PLA2G5: variants seen among roughly 807,000 people sequenced by gnomAD.
PLA2G5 encodes phospholipase A2 group V, also known as Ca2+-dependent phospholipase A2.
Under a neutral mutation model 15.9 loss-of-function variants are expected in PLA2G5, and 12 were observed. The ratio of observed to expected loss-of-function variants is 0.76; its 90% CI spans 0.48 to 1.23. The LOEUF (loss-of-function observed/expected upper bound fraction) is 1.23. Among genes scored for constraint, PLA2G5 ranks in the 50% most tolerant of loss-of-function variants. PLA2G5 has a pLI of 0.00. For synonymous variants in PLA2G5, 71 were observed against 71.4 expected (o/e 0.99, Z 0.03); for missense variants, 169 against 177.1 (o/e 0.95, Z 0.26).
upstream of PLA2G5, among the ~76,000 whole-genome samples, chr1:20,069,220 C>T (rs1227265634): frequency 2.0e-5 from 3 of 152,120 alleles, no homozygotes; most frequent in Admixed American, 6.5e-5. Context: ...TGACTGGTAA[C>T]GTTGAAAATG....
intron 1 of PLA2G5, among the ~76,000 whole-genome samples, chr1:20,071,318 G>A (rs1452744391): frequency 2.0e-5 from 3 of 152,146 alleles, no homozygotes; most frequent in African/African-American, 7.2e-5. Flanking sequence ...TCCAATCTGT[G>A]CCATGCAGAG....
chr1:20,063,823 C>T (rs568762640), intron 2 of PLA2G5, among the ~76,000 whole-genome samples: 3 of 152,280 alleles, frequency 2.0e-5, no homozygotes, highest in East Asian at 3.9e-4. Context: ...AGGCTTTGCC[C>T]GGTGCCCTAG....
At chr1:20,087,224 G>A (rs1342152946) in intron 3 of PLA2G5, among the ~76,000 whole-genome samples, 1 of 152,174 alleles carries the variant, frequency 6.6e-6, no homozygotes, top group Non-Finnish European at 1.5e-5. Flanking sequence ...TCCTCTGTAA[G>A]ATCTTCTCAG....
At chr1:20,074,921 C>T (rs1473359864) in intron 1 of PLA2G5, among the ~76,000 whole-genome samples, 1 of 152,216 alleles carries the variant, frequency 6.6e-6, no homozygotes, top group Non-Finnish European at 1.5e-5. Context: ...CCAATTCCCT[C>T]CCTTCTGTCT....
intron 1 of PLA2G5, among the ~76,000 whole-genome samples, chr1:20,055,839 C>T (rs868016465): frequency 1.5e-4 from 23 of 152,232 alleles, no homozygotes; most frequent in Middle Eastern, 3.4e-3. Flanking sequence ...CTGACCTATA[C>T]GTGTAGTAAG....
intron 1 of PLA2G5, among the ~76,000 whole-genome samples, chr1:20,081,912 C>T (rs182290045): frequency 4.0e-5 from 6 of 151,898 alleles, no homozygotes; most frequent in African/African-American, 7.3e-5. Flanking sequence ...ATTAGCCAGG[C>T]GTGGTGGCAG....
intron 1 of PLA2G5, among the ~76,000 whole-genome samples, chr1:20,054,575 T>G (rs913050982): frequency 3.3e-5 from 5 of 152,162 alleles, no homozygotes; most frequent in African/African-American, 1.2e-4. Context: ...AAAATATGTT[T>G]AATGTTTTCC....
At chr1:20,067,835 G>C (rs2015121639), upstream of PLA2G5, among the ~76,000 whole-genome samples, 1 of 151,128 alleles carries the variant, frequency 6.6e-6, no homozygotes, top group Non-Finnish European at 1.5e-5. Flanking sequence ...AATCAGAGGG[G>C]AGGCCGGGCG....
In PLA2G5 at chr1:20,070,373, G is replaced by A; in HGVS notation, c.-103G>A. On this transcript the variant is annotated 5_prime_UTR_variant, in exon 1 of 5. Coordinates refer to ENST00000375108, the MANE Select transcript of PLA2G5 (RefSeq NM_000929.3). ...ATACCAATGTTCCGACTGGAGACGG[G>A]GAGCCCGCGAGACCCGGGTCTCCAG... The A allele has an allele frequency of 1.0e-6, 1 of 985,466 alleles. No homozygotes were observed. The highest frequency in any genetic ancestry group is 1.2e-6 in the Non-Finnish European group (1 of 829,948). The allele number at this position is 985,466 out of a possible 1,614,324, so 61.0% of individuals were successfully genotyped here.
intron 2 of PLA2G5, among the ~76,000 whole-genome samples, chr1:20,064,075 G>A (rs1351532413): frequency 1.3e-5 from 2 of 152,104 alleles, no homozygotes; most frequent in Non-Finnish European, 2.9e-5. Context: ...TGGACCTTTC[G>A]CTGAGTTTCA....
chr1:20,083,172 G>A (rs1042506385), intron 1 of PLA2G5, among the ~76,000 whole-genome samples: 1 of 151,886 alleles, frequency 6.6e-6, no homozygotes, highest in African/African-American at 2.4e-5. Context: ...AGCCCTTGGA[G>A]CAGAGGCTAT....
At chr1:20,037,583 T>TGGCCAGGATGTTACA in intron 1 of PLA2G5, among the ~76,000 whole-genome samples, 1 of 152,222 alleles carries the variant, frequency 6.6e-6, no homozygotes, top group East Asian at 1.9e-4. Context: ...GACCTCTAGT[T>TGGCCAGGATGTTACA]GGCCAGGATG....
intron 1 of PLA2G5, among the ~76,000 whole-genome samples, chr1:20,031,758 G>T (rs915711983): frequency 2.0e-4 from 30 of 152,104 alleles, no homozygotes; most frequent in African/African-American, 6.5e-4. Context: ...TAGCTTTCCC[G>T]ATGTGGGAGT....
At chr1:20,055,925 C>T (rs1367153741) in intron 1 of PLA2G5, among the ~76,000 whole-genome samples, 1 of 152,116 alleles carries the variant, frequency 6.6e-6, no homozygotes, top group Non-Finnish European at 1.5e-5. Context: ...AGAGAAGGTT[C>T]TCTAGGAAGA....
Position 20,056,376 on chromosome 1 carries a change from A to G in PLA2G5, n.277-3256A>G, listed in dbSNP as rs564612243. ...TCCTAGGCTCAGTCTTTGGAACTCA[A>G]TGAAAGTTCCTTTTTATTCCTAGTT... On this transcript the variant is annotated intron_variant and non_coding_transcript_variant, in intron 1 of 6. Coordinates refer to the PLA2G5 transcript ENST00000460175. Among the ~76,000 whole-genome samples the G allele has an allele frequency of 9.1e-4, 139 of 152,160 alleles. 1 individual carries two copies. Among genetic ancestry groups the G allele is most frequent in the African/African-American group, 3.3e-3 (137 of 41,506 alleles).
chr1:20,054,162 G>A (rs1021088133), intron 1 of PLA2G5, among the ~76,000 whole-genome samples: 1 of 152,100 alleles, frequency 6.6e-6, no homozygotes, highest in Non-Finnish European at 1.5e-5. Context: ...CTTCTTCAAG[G>A]CCACCAGGAG....
At position 20,089,876 on chromosome 1, in the gene PLA2G5, G is replaced by A. The variant is rs1287200423; in HGVS notation, c.273G>A (p.Ala91=). 6 of 1,613,268 alleles carry A rather than the reference G, an allele frequency of 3.7e-6. No individual in the cohort carries two copies. Among genetic ancestry groups the A allele is most frequent in the Non-Finnish European group, 5.1e-6 (6 of 1,179,516 alleles). ...IRTQSYKYRF[A]WGVVTCEPGP... is the part of the protein sequence containing the mutation. ...CACAGTCCTACAAATACAGATTCGC[G>A]TGGGGCGTGGTCACCTGCGGTAAGG... Residue 91 remains alanine (A), a synonymous_variant, in exon 4 of 5, where the codon GCG becomes GCA. Coordinates refer to ENST00000375108, the MANE Select transcript of PLA2G5 (RefSeq NM_000929.3).
At chr1:20,084,604 C>T (rs1165368691) in intron 1 of PLA2G5, among the ~76,000 whole-genome samples, 1 of 152,074 alleles carries the variant, frequency 6.6e-6, no homozygotes, top group Non-Finnish European at 1.5e-5. Flanking sequence ...GGGACAGTGT[C>T]CCTGCAAATG....
rs563471368 is a variant in PLA2G5 at position 20,030,652 on chromosome 1, C to T, written n.276+1943C>T. 3.5e-4 allele frequency among the ~76,000 whole-genome samples: 53 copies of T among 152,240 alleles called. 1 individual carries two copies. In the South Asian group the frequency reaches 9.4e-3, roughly 27 times the overall value. ...TTTCCCTTCCCATGAGGCCATAGCT[C>T]AGGCTGTCTCAGTGGGGAGAATCCT... On this transcript the variant is annotated intron_variant and non_coding_transcript_variant, in intron 1 of 6. Coordinates refer to the PLA2G5 transcript ENST00000460175.
Sources: gnomAD v4.1 joint callset for allele counts (sites outside exome capture counted in the v4.1 genomes callset) on GRCh38, gnomAD v4.1.1 for gene constraint, MANE v1.5 for transcripts, NCBI Gene and HGNC (gene_info 2026-07-23, HGNC 2026-07-21) for gene names.